Variants in LAMB4 observed in about 807,000 individuals in gnomAD.
LAMB4 encodes laminin subunit beta-4.
Under a neutral mutation model 199.2 loss-of-function variants are expected in LAMB4, and 196 were observed. The ratio of observed to expected loss-of-function variants is 0.98; its 90% CI spans 0.88 to 1.11. The LOEUF (loss-of-function observed/expected upper bound fraction) is 1.11, where lower values mean the gene tolerates loss of function less well. Ranked by LOEUF, LAMB4 falls within the 50% of genes least tolerant of loss-of-function variation. The pLI is 0.00. For missense variants in LAMB4, 2,080 were observed against 2,171.2 expected (o/e 0.96, Z 0.83); for synonymous variants, 744 against 770.6 (o/e 0.97, Z 0.57).
At chr7:108,072,565 G>A (rs1305161711) in intron 17 of LAMB4, among the ~76,000 whole-genome samples, 1 of 152,120 alleles carries the variant, frequency 6.6e-6, no homozygotes, top group Non-Finnish European at 1.5e-5. Context: ...AGATGAGGCT[G>A]AGAACCACTG....
chr7:108,032,102 A>G (rs555921263), intron 31 of LAMB4, among the ~76,000 whole-genome samples: 1 of 152,162 alleles, frequency 6.6e-6, no homozygotes, highest in African/African-American at 2.4e-5. Context: ...TTTAAAGGCA[A>G]TTTGTGGCTG....
chr7:108,114,870 C>T (rs1028116337), intron 3 of LAMB4, among the ~76,000 whole-genome samples: 5 of 152,122 alleles, frequency 3.3e-5, no homozygotes, highest in African/African-American at 1.2e-4. Context: ...GAAAAGAAAC[C>T]TGAAAAGCCA....
At chr7:108,126,915 G>GAGAT in intron 1 of LAMB4, among the ~76,000 whole-genome samples, 1 of 152,088 alleles carries the variant, frequency 6.6e-6, no homozygotes, top group Non-Finnish European at 1.5e-5. Context: ...TGCACCTGAG[G>GAGAT]AGATATTAAA....
intron 1 of LAMB4, among the ~76,000 whole-genome samples, chr7:108,129,090 T>TA (rs1256585643): frequency 6.6e-6 from 1 of 152,216 alleles, no homozygotes; most frequent in African/African-American, 2.4e-5. Context: ...ACCATTCACT[T>TA]ATATTTGCCT....
intron 23 of LAMB4, among the ~76,000 whole-genome samples, chr7:108,061,325 G>T (rs940050477): frequency 8.5e-5 from 13 of 152,134 alleles, no homozygotes; most frequent in Non-Finnish European, 1.6e-4. Flanking sequence ...AGTGACAAAT[G>T]TTATTAAATT....
chr7:108,115,223 A>G (rs1433709751), intron 3 of LAMB4, among the ~76,000 whole-genome samples: 1 of 152,244 alleles, frequency 6.6e-6, no homozygotes, highest in East Asian at 1.9e-4. Context: ...GGTAACAGGA[A>G]ATGGAAATTA....
At chr7:108,086,518 C>T (rs1200662099) in intron 14 of LAMB4, among the ~76,000 whole-genome samples, 1 of 152,104 alleles carries the variant, frequency 6.6e-6, no homozygotes, top group Non-Finnish European at 1.5e-5. Flanking sequence ...TTGTACTAAA[C>T]TGACCCACTA....
Position 108,030,795 on chromosome 7 carries a change from G to A in LAMB4, c.4992+11C>T. On this transcript the variant is annotated intron_variant, in intron 32 of 33. Coordinates refer to ENST00000388781, the MANE Select transcript of LAMB4 (RefSeq NM_007356.3). ...TTTTCTGCTCTTGGTGGCAGTGGTA[G>A]AACTAATGACCTTCTCAAGACTCCC... The A allele has an allele frequency of 6.2e-7, 1 of 1,612,196 alleles. No homozygotes were observed. Among genetic ancestry groups the A allele is most frequent in the Non-Finnish European group, 8.5e-7 (1 of 1,178,824 alleles).
At chr7:108,127,059 C>T (rs1221060972) in intron 1 of LAMB4, among the ~76,000 whole-genome samples, 1 of 152,066 alleles carries the variant, frequency 6.6e-6, no homozygotes, top group African/African-American at 2.4e-5. Flanking sequence ...GATGGCTTGC[C>T]AATACCTAAA....
In LAMB4 at chr7:108,023,809, A is replaced by G. The variant is rs2150474386; in HGVS notation, c.*230T>C. 6.2e-6 allele frequency: 2 copies of G among 323,310 alleles called. No individual in the cohort carries two copies. The highest frequency in any genetic ancestry group is 6.7e-4 in the Middle Eastern group (1 of 1,500). The allele number at this position is 323,310 out of a possible 1,614,324, so 20.0% of individuals were successfully genotyped here. A position where few individuals can be genotyped will look rare whatever the true frequency, so the allele number is the denominator to read the frequency against. ...AAAGAGAAAGGAAGGTAAGAGGAAA[A>G]GTTTCTGAAACCAGAGACAATTTCA... On this transcript the variant is annotated 3_prime_UTR_variant, in exon 34 of 34. Coordinates refer to ENST00000388781, the MANE Select transcript of LAMB4 (RefSeq NM_007356.3).
intron 9 of LAMB4, among the ~76,000 whole-genome samples, chr7:108,104,136 A>ATGAC (rs2037914746): frequency 6.6e-6 from 1 of 152,212 alleles, no homozygotes; most frequent in Non-Finnish European, 1.5e-5. Flanking sequence ...CATGGAATGT[A>ATGAC]TGACTATTCA....
intron 1 of LAMB4, among the ~76,000 whole-genome samples, chr7:108,129,268 C>T (rs912082519): frequency 2.0e-5 from 3 of 151,856 alleles, no homozygotes; most frequent in Non-Finnish European, 4.4e-5. Flanking sequence ...ACATGCATTC[C>T]GCTCCTGTTT....
rs2037550624 is a variant in LAMB4, at chr7:108,095,230, T to C, written c.1468A>G (p.Thr490Ala). Residue 490 changes from threonine (T) to alanine (A), a missense_variant and splice_region_variant, in exon 12 of 34, where the codon ACT becomes GCT. Transcript: ENST00000388781. Reference protein sequence around the residue: ...YVTGAHCEECTVGYWGLGNHL... With the variant: ...YVTGAHCEECAVGYWGLGNHL... ...GGAAACTATAGGCAAATACATACAG[T>C]GCATTCTTCGCAGTGTGCTCCGGTG... 1 of 1,608,580 alleles carries C rather than the reference T, an allele frequency of 6.2e-7. No individual in the cohort carries two copies. The highest frequency in any genetic ancestry group is 2.2e-5 in the East Asian group (1 of 44,844).
At chr7:108,111,074 G>A (rs1279881024) in intron 4 of LAMB4, among the ~76,000 whole-genome samples, 1 of 152,170 alleles carries the variant, frequency 6.6e-6, no homozygotes, top group Non-Finnish European at 1.5e-5. Flanking sequence ...GGGGGTTAAG[G>A]AAAACTGAAG....
rs772250985 is a variant in LAMB4 at position 108,103,032 on chromosome 7, C to G, written c.1180+12G>C. ...GACAGTGGGTAGGATCCAGGCAGAC[C>G]CGGGGACTCACGAATGCACGCGTAG... On this transcript the variant is annotated intron_variant, in intron 10 of 33. Transcript: ENST00000388781. 4.5e-6 allele frequency: 7 copies of G among 1,561,646 alleles called. No homozygotes were observed. Among genetic ancestry groups the G allele is most frequent in the Non-Finnish European group, 6.1e-6 (7 of 1,144,202 alleles).
chr7:108,034,469 T>C, intron 30 of LAMB4, 123 bp from the exon 31 acceptor site: 1 of 753,838 alleles, frequency 1.3e-6, no homozygotes, highest in South Asian at 1.9e-5. Flanking sequence ...TTTAAATTAC[T>C]CTTAAACAAG....
At chr7:108,086,841 G>T (rs758368690) in intron 14 of LAMB4, among the ~76,000 whole-genome samples, 4 of 152,178 alleles carry the variant, frequency 2.6e-5, no homozygotes, top group Non-Finnish European at 5.9e-5. Flanking sequence ...GCCAGCCTCA[G>T]ATTCCCGGAT....
At chr7:108,093,898 G>GT (rs1000637682) in intron 12 of LAMB4, among the ~76,000 whole-genome samples, 1 of 152,148 alleles carries the variant, frequency 6.6e-6, no homozygotes, top group African/African-American at 2.4e-5. Context: ...AGGACTTGAT[G>GT]TTTTTCCCCA....
chr7:108,058,545 A>C (rs950920519), intron 23 of LAMB4, among the ~76,000 whole-genome samples: 2 of 152,250 alleles, frequency 1.3e-5, no homozygotes, highest in Non-Finnish European at 2.9e-5. Context: ...TATAAAAGCA[A>C]ATCACTATTG....
Sources: gnomAD v4.1 joint callset for allele counts (sites outside exome capture counted in the v4.1 genomes callset) on GRCh38, gnomAD v4.1.1 for gene constraint, MANE v1.5 for transcripts, NCBI Gene and HGNC (gene_info 2026-07-23, HGNC 2026-07-21) for gene names.